Variants in AUTS2 observed in about 807,000 individuals in gnomAD.
AUTS2 encodes the protein autism susceptibility gene 2 protein.
AUTS2 carries 17 observed loss-of-function variants against 112.4 expected under a neutral mutation model. The ratio of observed to expected loss-of-function variants is 0.15; its 90% confidence interval spans 0.10 to 0.23. The LOEUF (loss-of-function observed/expected upper bound fraction) is 0.23. Ranked by LOEUF, AUTS2 falls within the 10% of genes least tolerant of loss-of-function variation. The pLI, the probability that AUTS2 is intolerant of heterozygous loss-of-function variation, is 1.00. For missense variants in AUTS2, 1,510 were observed against 1,701.6 expected, an observed-to-expected ratio of 0.89 and a Z score of 1.98; for synonymous variants, 751 against 702.7, an observed-to-expected ratio of 1.07 and a Z score of -1.09.
Position 70,640,371 on chromosome 7 carries a change from A to G in AUTS2, c.691-58198A>G, listed in dbSNP as rs184528325. On this transcript the variant is annotated intron_variant, in intron 5 of 18. Coordinates refer to ENST00000342771, the MANE Select transcript of AUTS2 (RefSeq NM_015570.4). ...GGAAAAGTTAGAGCCCCAACACTTG[A>G]CTCATTTAGAACAAGTTGAACCAAC... Among the ~76,000 whole-genome samples the G allele has an allele frequency of 4.1e-3, 585 of 144,282 alleles. 5 individuals carry two copies. Among genetic ancestry groups the G allele is most frequent in the African/African-American group, 0.015 (565 of 38,666 alleles). The allele number at this position is 144,282 out of a possible 152,430, so 94.7% of individuals were successfully genotyped here.
chr7:70,287,506 TA>T lies in AUTS2; in HGVS notation c.661-148243del, dbSNP rs1788515548. Among the ~76,000 whole-genome samples, 4 of 152,194 alleles carry T rather than the reference TA, an allele frequency of 2.6e-5. No individual in the cohort carries two copies. The South Asian group carries it at 8.3e-4, about 32-fold the overall frequency. On this transcript the variant is annotated intron_variant, in intron 4 of 18. Coordinates refer to ENST00000342771, the MANE Select transcript of AUTS2 (RefSeq NM_015570.4). ...AATTATAGGGACTAATGAAATTAAA[TA>T]AAGATTATTCAACTAAACTAGTGGC...
chr7:70,700,150 C>A (rs1432012498), intron 6 of AUTS2, among the ~76,000 whole-genome samples: 3 of 152,106 alleles, frequency 2.0e-5, no homozygotes, highest in Non-Finnish European at 2.9e-5. Context: ...TGGTTCTTTC[C>A]CCCCCTTTTT....
At chr7:69,992,840 G>T (rs553878312) in intron 2 of AUTS2, among the ~76,000 whole-genome samples, 2 of 152,220 alleles carry the variant, frequency 1.3e-5, no homozygotes, top group South Asian at 4.1e-4. Context: ...AGCTGTGATC[G>T]CACCACTGCA....
intron 1 of AUTS2, among the ~76,000 whole-genome samples, chr7:69,617,770 G>C (rs923535385): frequency 6.6e-6 from 1 of 152,130 alleles, no homozygotes; most frequent in African/African-American, 2.4e-5. Flanking sequence ...GGAGACATGG[G>C]GCATCTTTTT....
intron 4 of AUTS2, among the ~76,000 whole-genome samples, chr7:70,358,087 C>T (rs940543723): frequency 1.3e-5 from 2 of 152,116 alleles, no homozygotes; most frequent in African/African-American, 4.8e-5. Context: ...GTTGGGGACA[C>T]GATTTTGGAC....
In AUTS2 at chr7:70,775,336, GT is replaced by G. The variant is rs1790617417; in HGVS notation, c.1903-19del. ...GTTTGAGTGACAGGCATGTAACCAA[GT>G]TGTCATTTTCTCTTCACAGTTGACA... On this transcript the variant is annotated intron_variant, in intron 12 of 18. Coordinates refer to ENST00000342771, the MANE Select transcript of AUTS2 (RefSeq NM_015570.4). The G allele has an allele frequency of 6.2e-7, 1 of 1,609,594 alleles. No individual in the cohort carries two copies. The highest frequency in any genetic ancestry group is 1.7e-5 in the Admixed American group (1 of 59,386).
At chr7:70,745,142 T>C (rs1297771194) in intron 6 of AUTS2, among the ~76,000 whole-genome samples, 1 of 152,228 alleles carries the variant, frequency 6.6e-6, no homozygotes, top group Non-Finnish European at 1.5e-5. Context: ...GATGTGTATG[T>C]ATCCCGATTG....
At chr7:70,624,940 G>A (rs146274799) in intron 5 of AUTS2, among the ~76,000 whole-genome samples, 2 of 152,184 alleles carry the variant, frequency 1.3e-5, no homozygotes, top group African/African-American at 4.8e-5. Context: ...TGTCCAGCAG[G>A]GAGGCGAATC....
At chr7:70,537,604 G>C (rs932623148) in intron 5 of AUTS2, among the ~76,000 whole-genome samples, 2 of 152,180 alleles carry the variant, frequency 1.3e-5, no homozygotes, top group African/African-American at 4.8e-5. Flanking sequence ...TGCTACGATA[G>C]GAGCGGAGGA....
intron 4 of AUTS2, among the ~76,000 whole-genome samples, chr7:70,158,065 A>C (rs999887514): frequency 1.3e-5 from 2 of 152,142 alleles, no homozygotes; most frequent in Non-Finnish European, 1.5e-5. Flanking sequence ...GTTGCATTCC[A>C]TGAAGCACCA....
intron 1 of AUTS2, among the ~76,000 whole-genome samples, chr7:69,716,066 C>G (rs1433045788): frequency 6.6e-6 from 1 of 152,156 alleles, no homozygotes; most frequent in Non-Finnish European, 1.5e-5. Flanking sequence ...AAATCCTTCT[C>G]TAATTCTTGG....
intron 6 of AUTS2, among the ~76,000 whole-genome samples, chr7:70,747,988 A>AT (rs770222247): frequency 0.025 from 2,702 of 108,486 alleles, 97 homozygotes; most frequent in African/African-American, 0.079. Flanking sequence ...CGCCCAGCCA[A>AT]TTTTTTTTTT....
At chr7:70,169,252 T>C (rs12698863) in intron 4 of AUTS2, among the ~76,000 whole-genome samples, 1 of 151,416 alleles carries the variant, frequency 6.6e-6, no homozygotes, top group Non-Finnish European at 1.5e-5. Context: ...ATATATATAT[T>C]TTTTTTGAGA....
At chr7:70,437,327 C>T (rs1008664570) in intron 5 of AUTS2, 1 of 152,222 alleles carries the variant, frequency 6.6e-6, no homozygotes, top group African/African-American at 2.4e-5. Context: ...ATGTGCACAG[C>T]AGTAATGGTT....
chr7:69,677,949 A>T (rs1466785023), intron 1 of AUTS2, among the ~76,000 whole-genome samples: 3 of 152,164 alleles, frequency 2.0e-5, no homozygotes, highest in Non-Finnish European at 4.4e-5. Flanking sequence ...AAACACAGGG[A>T]CCTCTACGAG....
chr7:70,431,164 C>CA (rs1027674165), intron 4 of AUTS2, among the ~76,000 whole-genome samples: 25 of 151,944 alleles, frequency 1.6e-4, no homozygotes, highest in African/African-American at 5.1e-4. Context: ...AGTGATGTTA[C>CA]AGGATAAATT....
chr7:70,033,654 A>G (rs1200687720), intron 2 of AUTS2, among the ~76,000 whole-genome samples: 1 of 152,090 alleles, frequency 6.6e-6, no homozygotes, highest in African/African-American at 2.4e-5. Context: ...TGTATACAAA[A>G]TAGAAAAAAA....
chr7:70,170,908 G>A (rs1808648541), intron 4 of AUTS2, among the ~76,000 whole-genome samples: 1 of 152,046 alleles, frequency 6.6e-6, no homozygotes, highest in African/African-American at 2.4e-5. Flanking sequence ...CCCCGGCCGG[G>A]GCACATTGCC....
intron 5 of AUTS2, among the ~76,000 whole-genome samples, chr7:70,660,442 A>G (rs1807011087): frequency 6.6e-6 from 1 of 152,222 alleles, no homozygotes; most frequent in Non-Finnish European, 1.5e-5. Context: ...GTGAGCGTAG[A>G]TTTGGAGAGA....
Sources: allele counts gnomAD v4.1 joint callset (sites outside exome capture counted in the v4.1 genomes callset), GRCh38; gene constraint gnomAD v4.1.1; transcripts MANE v1.5; gene names NCBI Gene and HGNC (gene_info 2026-07-23, HGNC 2026-07-21).